Variants in EXOC5 observed in about 807,000 individuals in gnomAD.
EXOC5 encodes the protein SEC10-like 1.
In EXOC5, 17 loss-of-function variants were observed where a neutral mutation model predicts 90.8. That is an observed-to-expected ratio of 0.19 (90% CI 0.13 to 0.28). The LOEUF is 0.28. EXOC5 is among the 10% of genes least tolerant of loss of function. The pLI, the probability that EXOC5 is intolerant of heterozygous loss-of-function variation, is 1.00. For missense variants in EXOC5, 569 were observed against 830.6 expected (o/e 0.69, Z 3.87); for synonymous variants, 260 against 270.0 (o/e 0.96, Z 0.36).
chr14:57,250,907 C>T (rs1254139222), intron 1 of EXOC5, among the ~76,000 whole-genome samples: 1 of 152,120 alleles, frequency 6.6e-6, no homozygotes, highest in Admixed American at 6.5e-5. Flanking sequence ...GTTTGCAGAC[C>T]GTACAGTCTC....
At chr14:57,232,630 T>A (rs1422040779) in intron 10 of EXOC5, 37 bp downstream of exon 10, 3 of 896,246 alleles carry the variant, frequency 3.3e-6, no homozygotes, top group Non-Finnish European at 5.2e-6. Flanking sequence ...ATTTAAAAAA[T>A]CTGTTATCTA....
At chr14:57,240,862 C>CT (rs945502258) in intron 4 of EXOC5, among the ~76,000 whole-genome samples, 10 of 151,570 alleles carry the variant, frequency 6.6e-5, no homozygotes, top group African/African-American at 1.2e-4. Context: ...TTTATTTTCT[C>CT]TTTTTTTTGA....
chr14:57,255,310 G>C (rs1413092465), intron 1 of EXOC5, among the ~76,000 whole-genome samples: 1 of 151,984 alleles, frequency 6.6e-6, no homozygotes, highest in African/African-American at 2.4e-5. Context: ...TTCTACCCTA[G>C]AAAAAAGAAT....
At chr14:57,210,516 CTA>C (rs1347711712) in intron 15 of EXOC5, among the ~76,000 whole-genome samples, 1 of 152,108 alleles carries the variant, frequency 6.6e-6, no homozygotes. Context: ...CAAAATTCAT[CTA>C]TGTTTCATAT....
chr14:57,252,217 T>C (rs965893090), intron 1 of EXOC5, among the ~76,000 whole-genome samples: 1 of 152,162 alleles, frequency 6.6e-6, no homozygotes, highest in Admixed American at 6.5e-5. Flanking sequence ...GAGGCCAGCA[T>C]TACCCTGATA....
intron 1 of EXOC5, among the ~76,000 whole-genome samples, chr14:57,264,945 G>A (rs12885741): frequency 0.01 from 1,530 of 152,148 alleles, 12 homozygotes; most frequent in Non-Finnish European, 0.016. Flanking sequence ...TATGTACCTT[G>A]TAATTCACAA....
chr14:57,253,125 G>C (rs1884241811), intron 1 of EXOC5, among the ~76,000 whole-genome samples: 1 of 152,106 alleles, frequency 6.6e-6, no homozygotes, highest in Non-Finnish European at 1.5e-5. Context: ...GTTACCAAAG[G>C]CTGGGAAGGC....
chr14:57,242,012 G>A (rs1297428649), intron 4 of EXOC5, among the ~76,000 whole-genome samples: 12 of 151,374 alleles, frequency 7.9e-5, no homozygotes, highest in South Asian at 4.2e-4. Flanking sequence ...AGGCGCCTGT[G>A]GTCCCAGCTA....
rs1882564213 is a variant in EXOC5 at position 57,203,703 on chromosome 14, A to G, written c.*4906T>C. The stretch of plus-strand genomic sequence containing the variant: ...TAATTTAAGTGATTTTTGAAAGTAA[A>G]CTTAATTCCAGTTTCAGACTTTTAA... On this transcript the variant is annotated 3_prime_UTR_variant, in exon 18 of 18. Transcript: ENST00000621441. 1 of 152,550 alleles carries G rather than the reference A, an allele frequency of 6.6e-6. No homozygotes were observed. The highest frequency in any genetic ancestry group is 1.5e-5 in the Non-Finnish European group (1 of 68,020). The allele number at this position is 152,550 out of a possible 1,614,324, so 9.4% of individuals were successfully genotyped here. A position where few individuals can be genotyped will look rare whatever the true frequency, so the allele number is the denominator to read the frequency against.
In EXOC5 at chr14:57,201,970, T is replaced by C. The variant is rs1271168029; in HGVS notation, c.*6639A>G. On this transcript the variant is annotated 3_prime_UTR_variant, in exon 18 of 18. Coordinates refer to ENST00000621441, the MANE Select transcript of EXOC5 (RefSeq NM_006544.4). ...AAAATATTTACAAAGGGAAAAGTAATAGTTTTAAAGTGGAGAAGCCTGGTA... is the reference window on the plus strand; with the variant it reads ...AAAATATTTACAAAGGGAAAAGTAACAGTTTTAAAGTGGAGAAGCCTGGTA... 2.0e-5 allele frequency: 3 copies of C among 152,070 alleles called. No individual in the cohort carries two copies. The highest frequency in any genetic ancestry group is 4.8e-5 in the African/African-American group (2 of 41,400). The allele number at this position is 152,070 out of a possible 1,614,324, so 9.4% of individuals were successfully genotyped here.
intron 1 of EXOC5, among the ~76,000 whole-genome samples, chr14:57,262,687 GTATATATGTATA>G (rs1474816462): frequency 3.9e-5 from 5 of 128,564 alleles, no homozygotes; most frequent in Non-Finnish European, 6.2e-5. Context: ...TATACATTAA[GTATATATGTATA>G]TATATATGTA....
chr14:57,222,760 C>CATATATATATAT (rs1208085180), intron 12 of EXOC5, among the ~76,000 whole-genome samples: 1 of 147,786 alleles, frequency 6.8e-6, no homozygotes, highest in African/African-American at 2.6e-5. Context: ...CACACACACA[C>CATATATATATAT]ACATATATAT....
Position 57,222,313 on chromosome 14 carries a change from A to T in EXOC5, c.1400T>A (p.Leu467His), listed in dbSNP as rs1464149570. The change falls in exon 13 of 18, where the codon CTT becomes CAT. Residue 467 changes from leucine to histidine, a missense_variant. Physicochemically the swap from Leu to His is moderately conservative, Grantham distance 99. Around this residue, in one of 9 missense-constraint regions of EXOC5, gnomAD observed 56 missense variants for 51.1 expected, o/e 1.10. Transcript: ENST00000621441. ...EHIDYALETG[L>H]AGIPSSDSRN... ...TGTAACACAAATATACTTACCAGCA[A>T]GTCCTGTTTCCAAAGCATAATCAAT... is the stretch of plus-strand genomic sequence containing the variant. The T allele has an allele frequency of 6.7e-7, 1 of 1,494,254 alleles. No individual in the cohort carries two copies. Among genetic ancestry groups the T allele is most frequent in the South Asian group, 1.2e-5 (1 of 82,572 alleles). The allele number at this position is 1,494,254 out of a possible 1,614,324, so 92.6% of individuals were successfully genotyped here.
At chr14:57,241,315 T>C (rs1242398607) in intron 4 of EXOC5, among the ~76,000 whole-genome samples, 1 of 152,322 alleles carries the variant, frequency 6.6e-6, no homozygotes, top group East Asian at 1.9e-4. Context: ...CATTTTCAAC[T>C]ACCAAACACT....
At chr14:57,226,392 T>C (rs1162149207) in intron 12 of EXOC5, among the ~76,000 whole-genome samples, 1 of 152,192 alleles carries the variant, frequency 6.6e-6, no homozygotes, top group Non-Finnish European at 1.5e-5. Flanking sequence ...AGAAATTAAA[T>C]ATAAATCTTA....
intron 1 of EXOC5, among the ~76,000 whole-genome samples, chr14:57,259,432 C>CT (rs766664932): frequency 2.0e-5 from 3 of 152,126 alleles, no homozygotes; most frequent in Non-Finnish European, 4.4e-5. Context: ...CTTTAGGGTT[C>CT]TTATCTTGTA....
At chr14:57,210,186 T>C (rs1882784343) in intron 15 of EXOC5, 125 bp from the exon 16 acceptor site, 1 of 550,550 alleles carries the variant, frequency 1.8e-6, no homozygotes. Flanking sequence ...ACTCTTTTAC[T>C]ATTGGTAAAC....
intron 3 of EXOC5, among the ~76,000 whole-genome samples, chr14:57,245,447 T>C (rs1014337396): frequency 2.6e-5 from 4 of 152,188 alleles, no homozygotes; most frequent in African/African-American, 9.7e-5. Context: ...TGCTTGAGAT[T>C]ACACAGTTCA....
At chr14:57,248,949 T>C (rs948284885) in intron 1 of EXOC5, among the ~76,000 whole-genome samples, 2 of 152,098 alleles carry the variant, frequency 1.3e-5, no homozygotes, top group African/African-American at 2.4e-5. Context: ...ATTTTTAACG[T>C]CATCTAAAAT....
Sources: gnomAD v4.1 joint callset for allele counts (sites outside exome capture counted in the v4.1 genomes callset) on GRCh38, gnomAD v4.1.1 for gene constraint, gnomAD v4.1.1 regional missense constraint, MANE v1.5 for transcripts, NCBI Gene and HGNC (gene_info 2026-07-23, HGNC 2026-07-21) for gene names.